Variants in CUX2 observed in about 807,000 individuals in gnomAD.
The protein encoded by CUX2 is cut like homeobox 2, also known as homeobox protein cut-like 2.
Under a neutral mutation model 144.8 loss-of-function variants are expected in CUX2, and 40 were observed. That is an observed-to-expected ratio of 0.28 (90% CI 0.21 to 0.36). CUX2 has a LOEUF of 0.36. Ranked by LOEUF, CUX2 falls within the 10% of genes least tolerant of loss-of-function variation. The probability of loss-of-function intolerance (pLI) is 1.00; values close to 1 mark genes in which losing one functional copy is unlikely to be tolerated. For synonymous variants in CUX2, 827 were observed against 875.6 expected (o/e 0.94, Z 0.98); for missense variants, 1,615 against 1,994.0 (o/e 0.81, Z 3.62).
At chr12:111,290,657 C>T (rs1404670857) in intron 4 of CUX2, among the ~76,000 whole-genome samples, 1 of 152,164 alleles carries the variant, frequency 6.6e-6, no homozygotes, top group Admixed American at 6.5e-5. Flanking sequence ...AAACTCCTGA[C>T]CTCAGGTGAT....
intron 1 of CUX2, among the ~76,000 whole-genome samples, chr12:111,083,655 G>C (rs1872031421): frequency 6.6e-6 from 1 of 152,176 alleles, no homozygotes; most frequent in Non-Finnish European, 1.5e-5. Flanking sequence ...GTGAGAACCT[G>C]CTGTGTCTCG....
chr12:111,252,399 T>C (rs1455609785), intron 3 of CUX2, among the ~76,000 whole-genome samples: 3 of 152,148 alleles, frequency 2.0e-5, no homozygotes, highest in Non-Finnish European at 4.4e-5. Context: ...ACCCCCAGGC[T>C]AGTTTCTCCT....
At chr12:111,107,492 C>T (rs1048268248) in intron 1 of CUX2, among the ~76,000 whole-genome samples, 39 of 152,378 alleles carry the variant, frequency 2.6e-4, no homozygotes, top group African/African-American at 8.9e-4. Flanking sequence ...CAGGGAGTTC[C>T]GGGAGCTGCA....
chr12:111,063,465 A>C (rs923995826), intron 1 of CUX2, among the ~76,000 whole-genome samples: 1 of 152,158 alleles, frequency 6.6e-6, no homozygotes, highest in Non-Finnish European at 1.5e-5. Flanking sequence ...CCAGGTCCCA[A>C]CCAGCATAGG....
Position 111,226,515 on chromosome 12 carries a change from CT to C in CUX2, c.222+8584del, listed in dbSNP as rs574630259. Among the ~76,000 whole-genome samples the C allele has an allele frequency of 3.4e-3, 521 of 152,148 alleles. 4 individuals carry two copies. Among genetic ancestry groups the C allele is most frequent in the Middle Eastern group, 0.01 (3 of 294 alleles). ...TGCCTTATAAAGTAAATTATTAATGCTTTTTTCCCCCCAGTTAAGTAGTTAT... is the reference window on the plus strand; with the variant it reads ...TGCCTTATAAAGTAAATTATTAATGCTTTTTCCCCCCAGTTAAGTAGTTAT... On this transcript the variant is annotated intron_variant, in intron 3 of 21. Transcript: ENST00000261726.
At chr12:111,329,288 C>A (rs1014404108) in intron 18 of CUX2, among the ~76,000 whole-genome samples, 6 of 151,548 alleles carry the variant, frequency 4.0e-5, no homozygotes, top group African/African-American at 1.5e-4. Flanking sequence ...ACCCACAAGC[C>A]CAGCAAGGCA....
chr12:111,240,089 T>C (rs1882950460), intron 3 of CUX2, among the ~76,000 whole-genome samples: 1 of 152,254 alleles, frequency 6.6e-6, no homozygotes, highest in African/African-American at 2.4e-5. Flanking sequence ...AGGGAAGTAT[T>C]GCTATTCTCG....
At chr12:111,095,264 G>T (rs1872753642) in intron 1 of CUX2, among the ~76,000 whole-genome samples, 1 of 152,132 alleles carries the variant, frequency 6.6e-6, no homozygotes, top group Non-Finnish European at 1.5e-5. Flanking sequence ...TTCAAGGCCA[G>T]CCTGGGCAAC....
At chr12:111,260,716 A>G (rs1320090024) in intron 3 of CUX2, among the ~76,000 whole-genome samples, 1 of 152,172 alleles carries the variant, frequency 6.6e-6, no homozygotes, top group African/African-American at 2.4e-5. Flanking sequence ...ATGGACCATT[A>G]TACACTGATA....
chr12:111,176,418 C>T (rs1489926677), intron 1 of CUX2, among the ~76,000 whole-genome samples: 1 of 152,130 alleles, frequency 6.6e-6, no homozygotes, highest in Non-Finnish European at 1.5e-5. Flanking sequence ...CCCTACCTGC[C>T]ATCTTTGTAA....
chr12:111,340,185 C>T (rs750209205), intron 20 of CUX2, among the ~76,000 whole-genome samples: 1 of 152,018 alleles, frequency 6.6e-6, no homozygotes, highest in South Asian at 2.1e-4. Context: ...GGCGACAGAG[C>T]GAGACTCCAT....
chr12:111,213,810 TTTAC>T, intron 1 of CUX2, among the ~76,000 whole-genome samples: 1 of 152,282 alleles, frequency 6.6e-6, no homozygotes, highest in African/African-American at 2.4e-5. Flanking sequence ...TATGCCGCAC[TTTAC>T]TATTTTGACA....
intron 1 of CUX2, among the ~76,000 whole-genome samples, chr12:111,075,006 C>T (rs117757365): frequency 3.3e-5 from 5 of 152,332 alleles, no homozygotes; most frequent in Non-Finnish European, 7.4e-5. Flanking sequence ...TTCATTCATC[C>T]AGTCCCCCAC....
chr12:111,250,164 C>T (rs1883494850), intron 3 of CUX2, among the ~76,000 whole-genome samples: 1 of 152,200 alleles, frequency 6.6e-6, no homozygotes. Flanking sequence ...CAGGGAATCA[C>T]AGCACATTCA....
At chr12:111,067,094 A>C (rs1871051686) in intron 1 of CUX2, among the ~76,000 whole-genome samples, 1 of 152,174 alleles carries the variant, frequency 6.6e-6, no homozygotes, top group Non-Finnish European at 1.5e-5. Flanking sequence ...CACAGATACA[A>C]CTTGGGGTAG....
intron 21 of CUX2, among the ~76,000 whole-genome samples, chr12:111,345,075 T>C (rs536759031): frequency 6.6e-6 from 1 of 152,134 alleles, no homozygotes; most frequent in East Asian, 1.9e-4. Context: ...AGCTGGTTTT[T>C]GCCATTTTTT....
At chr12:111,149,789 C>T (rs1223810472) in intron 1 of CUX2, among the ~76,000 whole-genome samples, 5 of 152,076 alleles carry the variant, frequency 3.3e-5, no homozygotes, top group African/African-American at 9.7e-5. Flanking sequence ...CTCTTCACAC[C>T]CTCTCTCCCT....
At chr12:111,281,765 G>A (rs868396509) in intron 4 of CUX2, among the ~76,000 whole-genome samples, 82 of 152,292 alleles carry the variant, frequency 5.4e-4, no homozygotes, top group Middle Eastern at 3.4e-3. Flanking sequence ...GCTCTGAGAA[G>A]CAAGTGATTT....
intron 3 of CUX2, among the ~76,000 whole-genome samples, chr12:111,243,663 C>G (rs1455029322): frequency 6.6e-6 from 1 of 151,990 alleles, no homozygotes; most frequent in Non-Finnish European, 1.5e-5. Flanking sequence ...ACCACCATGT[C>G]TGGCTAAGAT....
Sources: gnomAD v4.1 joint callset for allele counts (sites outside exome capture counted in the v4.1 genomes callset) on GRCh38, gnomAD v4.1.1 for gene constraint, MANE v1.5 for transcripts, NCBI Gene and HGNC (gene_info 2026-07-23, HGNC 2026-07-21) for gene names.